EYS: variants seen among roughly 807,000 people sequenced by gnomAD.
EYS encodes protein eyes shut homolog.
A neutral mutation model predicts 282.1 loss-of-function variants in EYS; 250 were observed. The observed-to-expected ratio is 0.89, with a 90% CI of 0.80 to 0.98. The LOEUF is 0.98. Ranked by LOEUF, EYS falls within the 50% of genes least tolerant of loss-of-function variation. EYS has a pLI of 0.00. For synonymous variants in EYS, 1,355 were observed against 1,282.9 expected (o/e 1.06, Z -1.20); for missense variants, 4,016 against 3,709.0 (o/e 1.08, Z -2.15).
intron 22 of EYS, among the ~76,000 whole-genome samples, chr6:64,703,410 C>CACACACATAT (rs1447947508): frequency 2.1e-4 from 11 of 51,532 alleles, no homozygotes; most frequent in African/African-American, 8.5e-4. Flanking sequence ...CACACACACA[C>CACACACATAT]ATATATATAT....
intron 33 of EYS, among the ~76,000 whole-genome samples, chr6:64,054,906 A>G (rs774298771): frequency 3.9e-5 from 6 of 152,210 alleles, no homozygotes; most frequent in Admixed American, 6.5e-5. Context: ...ACTAAATGAG[A>G]TTACTGTAAT....
intron 2 of EYS, among the ~76,000 whole-genome samples, chr6:65,615,979 GA>G (rs1766185529): frequency 6.6e-6 from 1 of 151,416 alleles, no homozygotes; most frequent in African/African-American, 2.4e-5. Context: ...CAAATAGTAT[GA>G]ACACAAATTA....
intron 19 of EYS, among the ~76,000 whole-genome samples, chr6:64,858,830 T>C (rs1056041241): frequency 1.3e-5 from 2 of 152,162 alleles, no homozygotes; most frequent in Non-Finnish European, 1.5e-5. Context: ...ATAAAGGGAA[T>C]GTACCTCAAC....
chr6:65,705,195 C>G (rs1478185725), intron 1 of EYS, among the ~76,000 whole-genome samples: 1 of 152,164 alleles, frequency 6.6e-6, no homozygotes, highest in Non-Finnish European at 1.5e-5. Flanking sequence ...AAGTGGTTAG[C>G]TCCTGACAAC....
At chr6:63,852,082 G>A (rs1397454950) in intron 36 of EYS, among the ~76,000 whole-genome samples, 63 of 145,834 alleles carry the variant, frequency 4.3e-4, no homozygotes, top group African/African-American at 1.3e-3. Flanking sequence ...GCGTGAACCC[G>A]GGAGGCGGAG....
At chr6:64,283,771 T>C (rs1297444424) in intron 30 of EYS, among the ~76,000 whole-genome samples, 4 of 152,098 alleles carry the variant, frequency 2.6e-5, no homozygotes, top group African/African-American at 7.2e-5. Flanking sequence ...AGAATCATGG[T>C]GGGAAGTGAA....
intron 14 of EYS, among the ~76,000 whole-genome samples, chr6:64,980,668 T>C (rs1770629522): frequency 6.6e-6 from 1 of 151,314 alleles, no homozygotes; most frequent in Non-Finnish European, 1.5e-5. Flanking sequence ...TGTTTTATGG[T>C]GAGACAATAT....
chr6:64,953,036 A>G (rs989089501), intron 14 of EYS, among the ~76,000 whole-genome samples: 2 of 151,918 alleles, frequency 1.3e-5, no homozygotes, highest in African/African-American at 4.8e-5. Flanking sequence ...TTATTTTCCT[A>G]ACAAGAAAAA....
intron 29 of EYS, among the ~76,000 whole-genome samples, chr6:64,375,199 G>T (rs771434227): frequency 6.6e-6 from 1 of 152,102 alleles, no homozygotes. Context: ...CAATCCTGTG[G>T]TCATTTAGAA....
intron 30 of EYS, among the ~76,000 whole-genome samples, chr6:64,263,889 A>G (rs1488144138): frequency 2.0e-5 from 3 of 152,190 alleles, no homozygotes; most frequent in Non-Finnish European, 4.4e-5. Flanking sequence ...AACAAGATAA[A>G]GCCTGCAGCT....
intron 11 of EYS, among the ~76,000 whole-genome samples, chr6:65,325,291 G>A (rs955009211): frequency 1.3e-5 from 2 of 152,006 alleles, no homozygotes; most frequent in African/African-American, 4.8e-5. Context: ...GTACTGGTGA[G>A]GATAGAGACA....
intron 12 of EYS, among the ~76,000 whole-genome samples, chr6:65,147,822 G>A (rs549370063): frequency 4.7e-4 from 71 of 152,190 alleles, no homozygotes; most frequent in African/African-American, 1.6e-3. Context: ...GATGCCTCAG[G>A]AATCTTACAA....
In EYS at chr6:64,821,734, G is replaced by C. The variant is rs1562209600; in HGVS notation, c.3165-11C>G. The C allele has an allele frequency of 7.0e-7, 1 of 1,419,618 alleles. No individual in the cohort carries two copies. Among genetic ancestry groups the C allele is most frequent in the Admixed American group, 2.1e-5 (1 of 47,848 alleles). The allele number at this position is 1,419,618 out of a possible 1,614,324, so 87.9% of individuals were successfully genotyped here. ...ATAAGTTCTGTGCACCTGAAACACA[G>C]AATTAGAATTACATTTTCAAATAAG... On this transcript the variant is annotated splice_polypyrimidine_tract_variant and intron_variant, in intron 20 of 42. Transcript: ENST00000503581.
intron 35 of EYS, among the ~76,000 whole-genome samples, chr6:63,967,384 T>A (rs1205848158): frequency 6.6e-6 from 1 of 152,246 alleles, no homozygotes; most frequent in Non-Finnish European, 1.5e-5. Flanking sequence ...TGTGGACTAC[T>A]GTGTAGAAGT....
At chr6:64,841,289 A>T (rs955962907) in intron 19 of EYS, among the ~76,000 whole-genome samples, 1 of 152,150 alleles carries the variant, frequency 6.6e-6, no homozygotes, top group Admixed American at 6.6e-5. Flanking sequence ...ACCTTCCTAA[A>T]TATGCAAATA....
rs567424161 is a variant in EYS, at chr6:64,192,169, T to C, written c.6424+38423A>G. Reference sequence around the variant, plus strand: ...TTCATGTCCTTCGCCCACTTTTTGATGGGGTTGTTTGTTTTTTTCTTGTAA... The same window carrying C: ...TTCATGTCCTTCGCCCACTTTTTGACGGGGTTGTTTGTTTTTTTCTTGTAA... On this transcript the variant is annotated intron_variant, in intron 31 of 42. Coordinates refer to ENST00000503581, the MANE Select transcript of EYS (RefSeq NM_001142800.2). Among the ~76,000 whole-genome samples the C allele has an allele frequency of 1.4e-4, 20 of 147,062 alleles. No individual in the cohort carries two copies. In the South Asian group the frequency reaches 4.4e-3, roughly 32 times the overall value.
intron 1 of EYS, among the ~76,000 whole-genome samples, chr6:65,673,505 C>G (rs1768471406): frequency 6.6e-6 from 1 of 152,104 alleles, no homozygotes; most frequent in Non-Finnish European, 1.5e-5. Context: ...GGACCCAGGA[C>G]ATACACTTAG....
At chr6:64,897,623 TAGGCTTTAGA>T (rs1350345731) in intron 18 of EYS, among the ~76,000 whole-genome samples, 3 of 152,160 alleles carry the variant, frequency 2.0e-5, no homozygotes, top group Non-Finnish European at 4.4e-5. Flanking sequence ...TTGACAAAAG[TAGGCTTTAGA>T]AGGTGGGTAA....
At chr6:65,130,227 C>T (rs149137531) in intron 12 of EYS, among the ~76,000 whole-genome samples, 1,894 of 151,852 alleles carry the variant, frequency 0.012, 50 homozygotes, top group African/African-American at 0.043. Context: ...ACCTTGCTGA[C>T]AGATTCATTC....
Sources: gnomAD v4.1 joint callset for allele counts (sites outside exome capture counted in the v4.1 genomes callset) on GRCh38, gnomAD v4.1.1 for gene constraint, MANE v1.5 for transcripts, NCBI Gene and HGNC (gene_info 2026-07-23, HGNC 2026-07-21) for gene names.